Variants in SRGAP3 observed in about 807,000 individuals in gnomAD.
SRGAP3 encodes the protein SLIT-ROBO Rho GTPase activating protein 3.
In SRGAP3, 39 loss-of-function variants were observed where a neutral mutation model predicts 121.1. That is an observed-to-expected ratio of 0.32 (90% confidence interval 0.25 to 0.42). The LOEUF (loss-of-function observed/expected upper bound fraction) is 0.42, where lower values mean the gene tolerates loss of function less well. SRGAP3 is among the 10% of genes least tolerant of loss of function. The pLI is 1.00. For synonymous variants in SRGAP3, 601 were observed against 570.0 expected, an observed-to-expected ratio of 1.05 and a Z score of -0.77; for missense variants, 1,213 against 1,470.6, an observed-to-expected ratio of 0.82 and a Z score of 2.86.
At chr3:9,069,644 G>A (rs1013577674) in intron 4 of SRGAP3, among the ~76,000 whole-genome samples, 3 of 152,160 alleles carry the variant, frequency 2.0e-5, no homozygotes, top group African/African-American at 7.2e-5. Flanking sequence ...TGAGGAGATG[G>A]AGGCTCAAAA....
At chr3:9,079,121 C>A (rs548245356) in intron 4 of SRGAP3, among the ~76,000 whole-genome samples, 2 of 152,298 alleles carry the variant, frequency 1.3e-5, no homozygotes, top group Non-Finnish European at 2.9e-5. Context: ...TCCCCTCATA[C>A]CAGGGATTTT....
At chr3:9,337,321 T>A (rs1955709605) in intron 1 of SRGAP3, among the ~76,000 whole-genome samples, 1 of 152,160 alleles carries the variant, frequency 6.6e-6, no homozygotes, top group Non-Finnish European at 1.5e-5. Context: ...CATGGCCTAG[T>A]CAATTTGACA....
At chr3:9,176,040 G>C (rs1240437981) in intron 1 of SRGAP3, among the ~76,000 whole-genome samples, 2 of 152,160 alleles carry the variant, frequency 1.3e-5, no homozygotes, top group Non-Finnish European at 2.9e-5. Context: ...TCCCACCTCA[G>C]CCTCCAGAGT....
chr3:9,149,970 G>A (rs533303002), intron 1 of SRGAP3, among the ~76,000 whole-genome samples: 11 of 152,182 alleles, frequency 7.2e-5, no homozygotes, highest in East Asian at 3.9e-4. Flanking sequence ...GTCCAATACC[G>A]TGCAGGTGCT....
chr3:9,359,224 G>A (rs1177314249), intron 1 of SRGAP3, among the ~76,000 whole-genome samples: 2 of 152,176 alleles, frequency 1.3e-5, no homozygotes, highest in Non-Finnish European at 2.9e-5. Flanking sequence ...GTCCGTTCAG[G>A]TACATTCTTG....
chr3:9,075,055 T>C (rs1391274701), intron 4 of SRGAP3, among the ~76,000 whole-genome samples: 1 of 152,254 alleles, frequency 6.6e-6, no homozygotes, highest in African/African-American at 2.4e-5. Flanking sequence ...TAGAAATATA[T>C]TGAAAATCTG....
At chr3:9,040,505 G>A (rs922055198) in intron 10 of SRGAP3, among the ~76,000 whole-genome samples, 27 of 152,072 alleles carry the variant, frequency 1.8e-4, no homozygotes, top group African/African-American at 5.8e-4. Flanking sequence ...TAAAAGCTGT[G>A]TCCAGAGACA....
chr3:9,274,578 AAGTGTTAACAGCTC>A (rs1221997327), intron 3 of SRGAP3, among the ~76,000 whole-genome samples: 2 of 152,200 alleles, frequency 1.3e-5, no homozygotes, highest in African/African-American at 4.8e-5. Flanking sequence ...AGGACAGCTT[AAGTGTTAACAGCTC>A]GGTGGAGGGT....
chr3:9,222,505 AT>A (rs1409987712), intron 1 of SRGAP3, among the ~76,000 whole-genome samples: 1 of 152,322 alleles, frequency 6.6e-6, no homozygotes, highest in East Asian at 1.9e-4. Context: ...GTTGCTTACA[AT>A]TCAAAGTTCT....
intron 1 of SRGAP3, among the ~76,000 whole-genome samples, chr3:9,352,198 C>G (rs969545579): frequency 6.6e-6 from 1 of 152,032 alleles, no homozygotes; most frequent in African/African-American, 2.4e-5. Context: ...CCTGAAGCTG[C>G]ATTTCCCCAA....
intron 21 of SRGAP3, among the ~76,000 whole-genome samples, chr3:8,987,565 C>T (rs1941788486): frequency 7.4e-6 from 1 of 135,034 alleles, no homozygotes; most frequent in Admixed American, 7.0e-5. Flanking sequence ...CTGCCCTAGG[C>T]CACATGGCAG....
intron 1 of SRGAP3, among the ~76,000 whole-genome samples, chr3:9,211,031 G>C (rs1318773280): frequency 2.0e-5 from 3 of 152,050 alleles, no homozygotes; most frequent in Non-Finnish European, 4.4e-5. Flanking sequence ...CAGAAGATAG[G>C]GTTATCAGAA....
intron 3 of SRGAP3, among the ~76,000 whole-genome samples, chr3:9,293,601 A>G (rs1049250527): frequency 1.3e-5 from 2 of 152,216 alleles, no homozygotes; most frequent in Admixed American, 1.3e-4. Context: ...ACAAAGGTTT[A>G]ATATCCAGCA....
chr3:9,172,515 C>T (rs1325149020), intron 1 of SRGAP3, among the ~76,000 whole-genome samples: 1 of 152,172 alleles, frequency 6.6e-6, no homozygotes, highest in African/African-American at 2.4e-5. Flanking sequence ...GGACACAATC[C>T]AATCCATTAC....
intron 1 of SRGAP3, among the ~76,000 whole-genome samples, chr3:9,350,829 A>G (rs1039406787): frequency 1.4e-4 from 21 of 152,324 alleles, no homozygotes; most frequent in African/African-American, 4.1e-4. Context: ...ACCAACCATA[A>G]TATTAATAGA....
At chr3:9,044,039 G>T (rs1057278574) in intron 10 of SRGAP3, among the ~76,000 whole-genome samples, 1 of 152,126 alleles carries the variant, frequency 6.6e-6, no homozygotes, top group African/African-American at 2.4e-5. Flanking sequence ...CTCCCGAGAA[G>T]CGCCAGTGAC....
chr3:9,129,487 A>G (rs1456732004), intron 1 of SRGAP3, among the ~76,000 whole-genome samples: 1 of 150,674 alleles, frequency 6.6e-6, no homozygotes. Context: ...AAAAAAAAAA[A>G]GTTGAAAACC....
At chr3:9,210,816 C>T (rs981234961) in intron 1 of SRGAP3, among the ~76,000 whole-genome samples, 1 of 151,960 alleles carries the variant, frequency 6.6e-6, no homozygotes, top group Non-Finnish European at 1.5e-5. Context: ...GGTCACAGAG[C>T]GAGACTCTGT....
intron 1 of SRGAP3, among the ~76,000 whole-genome samples, chr3:9,177,845 A>G (rs1219934724): frequency 6.6e-6 from 1 of 152,204 alleles, no homozygotes; most frequent in Non-Finnish European, 1.5e-5. Flanking sequence ...GAAGAAGGGC[A>G]TCTCCTGGCC....
Sources: allele counts gnomAD v4.1 joint callset (sites outside exome capture counted in the v4.1 genomes callset), GRCh38; gene constraint gnomAD v4.1.1; transcripts MANE v1.5; gene names NCBI Gene and HGNC (gene_info 2026-07-23, HGNC 2026-07-21).